WDPCP: variants seen among roughly 807,000 people sequenced by gnomAD.
The protein encoded by WDPCP is WD repeat-containing and planar cell polarity effector protein fritz homolog.
Under a neutral mutation model 93.1 loss-of-function variants are expected in WDPCP, and 71 were observed. That is an observed-to-expected ratio of 0.76 (90% CI 0.63 to 0.93). WDPCP has a LOEUF of 0.93. WDPCP is among the 40% of genes least tolerant of loss of function. The probability of loss-of-function intolerance (pLI) is 0.00; values close to 1 mark genes in which losing one functional copy is unlikely to be tolerated. For missense variants in WDPCP, 844 were observed against 887.4 expected (o/e 0.95, Z 0.62); for synonymous variants, 315 against 315.0 (o/e 1.00, Z 0.00).
intron 2 of WDPCP, among the ~76,000 whole-genome samples, chr2:63,653,393 C>T (rs555183631): frequency 2.6e-5 from 4 of 152,204 alleles, no homozygotes; most frequent in African/African-American, 9.6e-5. Flanking sequence ...ATGGAGAATT[C>T]GGTAGACACC....
At chr2:63,193,998 C>G (rs571716305) in intron 14 of WDPCP, among the ~76,000 whole-genome samples, 30 of 152,144 alleles carry the variant, frequency 2.0e-4, no homozygotes, top group African/African-American at 7.2e-4. Context: ...GAAAGAAAAC[C>G]TTCTGGTAGT....
At chr2:63,356,250 CA>C (rs1244970237) in intron 12 of WDPCP, among the ~76,000 whole-genome samples, 1 of 152,150 alleles carries the variant, frequency 6.6e-6, no homozygotes, top group Non-Finnish European at 1.5e-5. Context: ...TATATGACCC[CA>C]ACACAGGAGC....
At chr2:63,510,730 T>C (rs1369996994) in intron 1 of WDPCP, among the ~76,000 whole-genome samples, 1 of 152,120 alleles carries the variant, frequency 6.6e-6, no homozygotes, top group Non-Finnish European at 1.5e-5. Context: ...TCCCAACAGG[T>C]TGGGAGCCCA....
chr2:63,451,735 C>G (rs566831648), intron 6 of WDPCP, among the ~76,000 whole-genome samples: 28 of 152,208 alleles, frequency 1.8e-4, no homozygotes, highest in African/African-American at 4.6e-4. Flanking sequence ...ACATCAAAAA[C>G]CTTATCCACC....
At chr2:63,186,454 G>T (rs1674646231) in intron 14 of WDPCP, among the ~76,000 whole-genome samples, 1 of 152,182 alleles carries the variant, frequency 6.6e-6, no homozygotes, top group Non-Finnish European at 1.5e-5. Flanking sequence ...AGTTTGTTGT[G>T]AGCCAAGATT....
chr2:63,227,409 T>C (rs1303433726), intron 14 of WDPCP, among the ~76,000 whole-genome samples: 1 of 152,070 alleles, frequency 6.6e-6, no homozygotes, highest in Non-Finnish European at 1.5e-5. Flanking sequence ...CACTGTGCTA[T>C]GTAAGTGGTG....
At chr2:63,332,359 A>G (rs1435692999) in intron 12 of WDPCP, among the ~76,000 whole-genome samples, 2 of 152,098 alleles carry the variant, frequency 1.3e-5, no homozygotes, top group Non-Finnish European at 2.9e-5. Context: ...CAAGAGCAAC[A>G]CAGAAAATTT....
intron 1 of WDPCP, among the ~76,000 whole-genome samples, chr2:63,552,069 G>A (rs1705704036): frequency 4.7e-5 from 1 of 21,390 alleles, no homozygotes; most frequent in Admixed American, 5.1e-4. Flanking sequence ...TGGATTTTCA[G>A]GTGTGAGCCA....
chr2:63,650,913 C>T (rs1434100463), intron 2 of WDPCP: 1 of 152,204 alleles, frequency 6.6e-6, no homozygotes, highest in Admixed American at 6.5e-5. Flanking sequence ...TTTTAAAATA[C>T]TTTGCCAGAT....
chr2:63,416,396 C>A (rs563344576), intron 9 of WDPCP, among the ~76,000 whole-genome samples: 1 of 141,802 alleles, frequency 7.1e-6, no homozygotes, highest in East Asian at 2.1e-4. Flanking sequence ...GACAGGGTTT[C>A]GCCATGTTGG....
chr2:63,739,351 A>G (rs1186187446), intron 2 of WDPCP, among the ~76,000 whole-genome samples: 3 of 152,176 alleles, frequency 2.0e-5, no homozygotes, highest in Non-Finnish European at 4.4e-5. Context: ...CACAAAACAC[A>G]TGATCTCATC....
In WDPCP at chr2:63,524,351, C is replaced by A. The variant is rs559907410; in HGVS notation, c.76-31411G>T. Among the ~76,000 whole-genome samples, 15 of 152,270 alleles carry A rather than the reference C, an allele frequency of 9.9e-5. No homozygotes were observed. The Middle Eastern group carries it at 0.01, about 104-fold the overall frequency. ...AAGCATCACACTACCTGACCTCCAA[C>A]TATAATACAAGGCTACAGTAACCAA... On this transcript the variant is annotated intron_variant, in intron 1 of 17. Coordinates refer to ENST00000272321, the MANE Select transcript of WDPCP (RefSeq NM_015910.7).
chr2:63,799,993 C>T (rs1434864927), intron 2 of WDPCP, among the ~76,000 whole-genome samples: 3 of 151,966 alleles, frequency 2.0e-5, no homozygotes, highest in African/African-American at 4.8e-5. Context: ...TAAGATTTTG[C>T]TTGTTCTGTT....
intron 1 of WDPCP, among the ~76,000 whole-genome samples, chr2:63,585,220 A>C (rs1388622465): frequency 1.3e-5 from 2 of 152,208 alleles, no homozygotes; most frequent in African/African-American, 4.8e-5. Context: ...CTAAATTTGG[A>C]ATTACTACGT....
At chr2:63,525,097 A>T (rs1280362616) in intron 1 of WDPCP, among the ~76,000 whole-genome samples, 1 of 152,234 alleles carries the variant, frequency 6.6e-6, no homozygotes, top group Non-Finnish European at 1.5e-5. Flanking sequence ...CCTTTGCAGC[A>T]ACATGGATGG....
chr2:63,633,832 C>T (rs573950548), intron 3 of WDPCP, among the ~76,000 whole-genome samples: 6 of 152,212 alleles, frequency 3.9e-5, no homozygotes, highest in East Asian at 1.9e-4. Flanking sequence ...GAGGCCAAGG[C>T]GGGTGGATCA....
At chr2:63,813,805 T>C (rs1237704282) in intron 1 of WDPCP, 1 of 152,198 alleles carries the variant, frequency 6.6e-6, no homozygotes, top group Non-Finnish European at 1.5e-5. Flanking sequence ...CTCTCTCCAG[T>C]CACAGAATAA....
intron 15 of WDPCP, among the ~76,000 whole-genome samples, chr2:63,157,293 G>C (rs1406185614): frequency 6.6e-6 from 1 of 151,860 alleles, no homozygotes; most frequent in Non-Finnish European, 1.5e-5. Context: ...ATGTATGAGA[G>C]ACAGTAGTCT....
At chr2:63,406,354 G>C (rs945234451) in intron 9 of WDPCP, among the ~76,000 whole-genome samples, 2 of 152,016 alleles carry the variant, frequency 1.3e-5, no homozygotes, top group Admixed American at 6.6e-5. Flanking sequence ...CACTCTTTTT[G>C]CTGCAGTCAT....
Sources: allele counts gnomAD v4.1 joint callset (sites outside exome capture counted in the v4.1 genomes callset), GRCh38; gene constraint gnomAD v4.1.1; transcripts MANE v1.5; gene names NCBI Gene and HGNC (gene_info 2026-07-23, HGNC 2026-07-21).